The following TMEM131 variants were observed in gnomAD, a reference collection of about 807,000 sequenced individuals.
The protein encoded by TMEM131 is 2610524E03Rik.
In TMEM131, 66 loss-of-function variants were observed where a neutral mutation model predicts 211.6. The ratio of observed to expected loss-of-function variants is 0.31; its 90% CI spans 0.26 to 0.38. The LOEUF is 0.38. Among genes scored for constraint, TMEM131 ranks in the 10% least tolerant of loss-of-function variants. The pLI is 1.00. For missense variants in TMEM131, 2,036 were observed against 2,299.3 expected, an observed-to-expected ratio of 0.89 and a Z score of 2.34; for synonymous variants, 844 against 841.3, an observed-to-expected ratio of 1.00 and a Z score of -0.06.
intron 32 of TMEM131, among the ~76,000 whole-genome samples, chr2:97,773,205 G>A (rs1301520246): frequency 6.6e-6 from 1 of 152,198 alleles, no homozygotes; most frequent in African/African-American, 2.4e-5. Flanking sequence ...GCAGGGTTCC[G>A]GCTGGTTTAA....
chr2:97,855,793 G>A (rs1459814147), intron 5 of TMEM131, among the ~76,000 whole-genome samples: 1 of 151,854 alleles, frequency 6.6e-6, no homozygotes, highest in Non-Finnish European at 1.5e-5. Flanking sequence ...AATAGACAGA[G>A]ACCTATTTCA....
At chr2:97,889,818 T>A (rs1173617772) in intron 3 of TMEM131, among the ~76,000 whole-genome samples, 1 of 152,136 alleles carries the variant, frequency 6.6e-6, no homozygotes, top group Non-Finnish European at 1.5e-5. Flanking sequence ...CCAGTTACCG[T>A]CTATTGGCTG....
At chr2:97,845,947 T>G (rs972684927) in intron 5 of TMEM131, among the ~76,000 whole-genome samples, 1 of 152,218 alleles carries the variant, frequency 6.6e-6, no homozygotes, top group South Asian at 2.1e-4. Flanking sequence ...AGCAACTCCA[T>G]GCCCACAAAT....
chr2:97,808,294 A>G (rs1405882381), intron 19 of TMEM131, among the ~76,000 whole-genome samples: 2 of 152,212 alleles, frequency 1.3e-5, no homozygotes, highest in African/African-American at 4.8e-5. Flanking sequence ...AGGGATGCTC[A>G]ACTTGCATAC....
chr2:97,989,427 T>C (rs973034612), intron 1 of TMEM131, among the ~76,000 whole-genome samples: 1 of 152,054 alleles, frequency 6.6e-6, no homozygotes, highest in Non-Finnish European at 1.5e-5. Flanking sequence ...ACACAGAAAG[T>C]AGAATGGTGG....
At chr2:97,821,438 G>A (rs887580462) in intron 11 of TMEM131, among the ~76,000 whole-genome samples, 1 of 152,208 alleles carries the variant, frequency 6.6e-6, no homozygotes, top group Non-Finnish European at 1.5e-5. Flanking sequence ...GAGGCAACCC[G>A]TTTGGGTCCC....
intron 3 of TMEM131, among the ~76,000 whole-genome samples, chr2:97,907,476 G>A (rs994032333): frequency 2.0e-5 from 3 of 151,932 alleles, no homozygotes; most frequent in African/African-American, 7.3e-5. Context: ...TCTGCATTTC[G>A]CTAGTCTGGA....
chr2:97,859,705 A>C (rs1300655342), intron 4 of TMEM131, among the ~76,000 whole-genome samples: 1 of 152,208 alleles, frequency 6.6e-6, no homozygotes, highest in Non-Finnish European at 1.5e-5. Context: ...CGGACGGGGC[A>C]CAAAATGGTC....
chr2:97,954,678 C>A (rs764683444), intron 1 of TMEM131, among the ~76,000 whole-genome samples: 1 of 151,786 alleles, frequency 6.6e-6, no homozygotes, highest in South Asian at 2.1e-4. Flanking sequence ...TGGTGGCGTG[C>A]GCCTGTAGTT....
chr2:97,847,385 T>G (rs546806165), intron 5 of TMEM131, among the ~76,000 whole-genome samples: 2 of 152,314 alleles, frequency 1.3e-5, no homozygotes, highest in East Asian at 3.9e-4. Context: ...TGTATCTCCA[T>G]ATACTAGCAA....
chr2:97,887,392 T>A lies in TMEM131; in HGVS notation c.359+660A>T, dbSNP rs576125936. Among the ~76,000 whole-genome samples, 42 of 152,332 alleles carry A rather than the reference T, an allele frequency of 2.8e-4. No individual in the cohort carries two copies. In the South Asian group the frequency reaches 8.5e-3, roughly 31 times the overall value. ...GCCCACAGGGCTGTTTTTCAGGCCC[T>A]GATTTCAGGTGCAGGGCCATTGGGC... is the stretch of plus-strand genomic sequence containing the variant. On this transcript the variant is annotated intron_variant, in intron 4 of 40. Transcript: ENST00000186436.
chr2:97,834,990 T>A (rs752738475), intron 8 of TMEM131, 65 bp from the exon 9 acceptor site: 1 of 1,557,640 alleles, frequency 6.4e-7, no homozygotes, highest in Non-Finnish European at 8.8e-7. Context: ...CCATTTTTTA[T>A]TGAACTGGAT....
At chr2:97,797,235 G>A in intron 26 of TMEM131, 130 bp downstream of exon 26, 1 of 933,308 alleles carries the variant, frequency 1.1e-6, no homozygotes, top group Non-Finnish European at 1.6e-6. Context: ...CAGGCATGGA[G>A]TGTGTGCATG....
At chr2:97,797,297 T>C in intron 26 of TMEM131, 68 bp downstream of exon 26, 1 of 1,399,262 alleles carries the variant, frequency 7.1e-7, no homozygotes, top group Non-Finnish European at 9.7e-7. Flanking sequence ...TGCAAATTCA[T>C]CTTAAAACAA....
intron 3 of TMEM131, among the ~76,000 whole-genome samples, chr2:97,899,698 C>CTT (rs1469173674): frequency 2.0e-5 from 3 of 152,128 alleles, no homozygotes; most frequent in African/African-American, 7.2e-5. Flanking sequence ...TCAGCATTTA[C>CTT]TTTTGACTCA....
At position 97,757,063 on chromosome 2, in the gene TMEM131, C is replaced by A; in HGVS notation, c.*36G>T. 1 of 1,542,960 alleles carries A rather than the reference C, an allele frequency of 6.5e-7. No individual in the cohort carries two copies. The highest frequency in any genetic ancestry group is 8.8e-7 in the Non-Finnish European group (1 of 1,141,792). ...AGAAACTGGCACATCATGATCTAGACGAGGGCCCACTATGTTTGTTTGTTT... is the reference window on the plus strand; with the variant it reads ...AGAAACTGGCACATCATGATCTAGAAGAGGGCCCACTATGTTTGTTTGTTT... On this transcript the variant is annotated 3_prime_UTR_variant, in exon 41 of 41. Coordinates refer to ENST00000186436, the MANE Select transcript of TMEM131 (RefSeq NM_015348.2).
chr2:97,968,476 G>A (rs62156524), intron 1 of TMEM131, among the ~76,000 whole-genome samples: 10,883 of 152,210 alleles, frequency 0.071, 463 homozygotes, highest in Middle Eastern at 0.12. Flanking sequence ...AGCACTTGCT[G>A]TGTACCACAC....
Position 97,961,072 on chromosome 2 carries a change from TG to T in TMEM131, c.188-33586del, listed in dbSNP as rs796099640. Among the ~76,000 whole-genome samples the T allele has an allele frequency of 3.3e-5, 5 of 151,814 alleles. No homozygotes were observed. In the South Asian group the frequency reaches 1.0e-3, roughly 32 times the overall value. ...AACTTACAACTGACATCGTACTTGATGGTCAAAGACTGAATGTTTCCCCCCA... is the reference window on the plus strand; with the variant it reads ...AACTTACAACTGACATCGTACTTGATGTCAAAGACTGAATGTTTCCCCCCA... On this transcript the variant is annotated intron_variant, in intron 1 of 40. Transcript: ENST00000186436.
At chr2:97,961,053 C>A (rs894695987) in intron 1 of TMEM131, among the ~76,000 whole-genome samples, 1 of 151,484 alleles carries the variant, frequency 6.6e-6, no homozygotes, top group Non-Finnish European at 1.5e-5. Context: ...TAAAAACTTA[C>A]AACTGACATC....
Sources: allele counts gnomAD v4.1 joint callset (sites outside exome capture counted in the v4.1 genomes callset), GRCh38; gene constraint gnomAD v4.1.1; transcripts MANE v1.5; gene names NCBI Gene and HGNC (gene_info 2026-07-23, HGNC 2026-07-21).